The following SIN3A variants were observed in gnomAD, a reference collection of about 807,000 sequenced individuals.
The protein encoded by SIN3A is SIN3 transcription regulator family member A.
In SIN3A, 14 loss-of-function variants were observed where a neutral mutation model predicts 146.1. That is an observed-to-expected ratio of 0.10 (90% CI 0.06 to 0.15). The LOEUF (loss-of-function observed/expected upper bound fraction) is 0.15. Ranked by LOEUF, SIN3A falls within the 10% of genes least tolerant of loss-of-function variation. The pLI is 1.00. For synonymous variants in SIN3A, 572 were observed against 572.0 expected (o/e 1.00, Z 0.00); for missense variants, 1,028 against 1,576.0 (o/e 0.65, Z 5.89).
In SIN3A at chr15:75,407,132, G is replaced by A. The variant is rs1438701512; in HGVS notation, c.1330C>T (p.Leu444=). ...TTPPVKKKPK[L]LNLKDSSMAD... ...ATAGAAGAATCCTTCAGATTGAGCA[G>A]TTTGGGTTTCTTCTGCAAAAGAAAG... Residue 444 remains leucine, a synonymous_variant, in exon 9 of 21, where the codon CTG becomes TTG. Transcript: ENST00000394947. 3.1e-6 allele frequency: 5 copies of A among 1,610,416 alleles called. No homozygotes were observed. The highest frequency in any genetic ancestry group is 1.7e-4 in the Middle Eastern group (1 of 6,056).
chr15:75,424,896 T>G (rs2073899395), intron 2 of SIN3A, among the ~76,000 whole-genome samples: 1 of 152,220 alleles, frequency 6.6e-6, no homozygotes, highest in African/African-American at 2.4e-5. Flanking sequence ...GATTAGCCAT[T>G]TTTAAGCCAC....
intron 1 of SIN3A, chr15:75,443,843 T>C (rs1479107889): frequency 6.6e-6 from 1 of 152,208 alleles, no homozygotes; most frequent in African/African-American, 2.4e-5. Flanking sequence ...CCCAGAAGTT[T>C]GAGGCTGCAG....
Position 75,445,538 on chromosome 15 carries a change from T to C in SIN3A, c.-34+5885A>G, listed in dbSNP as rs529707071. On this transcript the variant is annotated intron_variant, in intron 1 of 20. Coordinates refer to ENST00000394947, the MANE Select transcript of SIN3A (RefSeq NM_001145358.2). The stretch of plus-strand genomic sequence containing the variant: ...CCAAGCCGAGATTGCACCACTGCAC[T>C]CCAGCCTGGGAGACAGAGCAAAACT... Among the ~76,000 whole-genome samples, 9 of 151,192 alleles carry C rather than the reference T, an allele frequency of 6.0e-5. No homozygotes were observed. In the South Asian group the frequency reaches 1.9e-3, roughly 32 times the overall value.
intron 1 of SIN3A, among the ~76,000 whole-genome samples, chr15:75,450,871 T>A (rs1252915906): frequency 6.6e-6 from 1 of 151,936 alleles, no homozygotes; most frequent in Non-Finnish European, 1.5e-5. Flanking sequence ...ACCCGGGGCC[T>A]GGGCGGGGTG....
chr15:75,407,095 C>G lies in SIN3A; in HGVS notation c.1367G>C (p.Ser456Thr). Residue 456 changes from serine to threonine, a missense_variant, in exon 9 of 21, where the codon AGC becomes ACC. This residue lies in a region of SIN3A where 62 missense variants were observed against 63.5 expected (regional missense o/e 0.98). Coordinates refer to ENST00000394947, the MANE Select transcript of SIN3A (RefSeq NM_001145358.2). ...CGATTCTGTTCCACCACCATGTTTG[C>G]TGGCATCTGCCATAGAAGAATCCTT... is the stretch of plus-strand genomic sequence containing the variant. ...NLKDSSMADA[S>T]KHGGGTESLF... is the part of the protein sequence containing the mutation. The G allele has an allele frequency of 6.2e-7, 1 of 1,613,144 alleles. No homozygotes were observed. Among genetic ancestry groups the G allele is most frequent in the Non-Finnish European group, 8.5e-7 (1 of 1,179,486 alleles).
intron 1 of SIN3A, among the ~76,000 whole-genome samples, chr15:75,437,769 CTCTAG>C (rs2074131895): frequency 6.6e-6 from 1 of 152,038 alleles, no homozygotes; most frequent in African/African-American, 2.4e-5. Context: ...ACTATCAGAA[CTCTAG>C]TCTAGGAAGA....
chr15:75,375,774 C>T lies in SIN3A; in HGVS notation c.3482G>A (p.Ser1161Asn). The T allele has an allele frequency of 6.2e-7, 1 of 1,614,196 alleles. No individual in the cohort carries two copies. The highest frequency in any genetic ancestry group is 8.5e-7 in the Non-Finnish European group (1 of 1,180,030). The change falls in exon 20 of 21, where the codon AGT becomes AAT. Residue 1161 changes from serine (S) to asparagine (N), a missense_variant. Ser to Asn is a conservative substitution (Grantham distance 46, BLOSUM62 1). Transcript: ENST00000394947. ...NSKKTMENVD[S>N]LDKLECRFKL... ...GAATCTACACTCCAGCTTATCCAGA[C>T]TATCCACATTCTCCATGGTCTTCTT... is the stretch of plus-strand genomic sequence containing the variant.
intron 2 of SIN3A, among the ~76,000 whole-genome samples, chr15:75,428,207 T>C (rs898880554): frequency 6.6e-6 from 1 of 152,186 alleles, no homozygotes; most frequent in African/African-American, 2.4e-5. Context: ...TCATAGGTAC[T>C]TGACAAACTC....
Position 75,370,457 on chromosome 15 carries a change from A to C in SIN3A, c.*1522T>G, listed in dbSNP as rs538833471. On this transcript the variant is annotated 3_prime_UTR_variant, in exon 21 of 21. Transcript: ENST00000394947. ...AGGGGCTCAGTTGGTCTTTGTTCAG[A>C]AAGTCCAGGTTAACCACATAGAAAA... The C allele has an allele frequency of 4.6e-5, 7 of 152,344 alleles. No homozygotes were observed. In the East Asian group the frequency reaches 1.3e-3, roughly 29 times the overall value. The allele number at this position is 152,344 out of a possible 1,614,324, so 9.4% of individuals were successfully genotyped here. A position where few individuals can be genotyped will look rare whatever the true frequency, so the allele number is the denominator to read the frequency against.
chr15:75,441,511 C>A (rs2074211321), intron 1 of SIN3A, among the ~76,000 whole-genome samples: 1 of 152,058 alleles, frequency 6.6e-6, no homozygotes, highest in African/African-American at 2.4e-5. Flanking sequence ...ACAGGCCGGT[C>A]TTGAACTCCT....
Position 75,392,309 on chromosome 15 carries a change from C to A in SIN3A, c.2784G>T (p.Arg928=), listed in dbSNP as rs2073220830. 6.2e-7 allele frequency: 1 copy of A among 1,614,214 alleles called. No individual in the cohort carries two copies. The highest frequency in any genetic ancestry group is 8.5e-7 in the Non-Finnish European group (1 of 1,180,046). The change falls in exon 15 of 21, where the codon CGG becomes CGT. Residue 928 remains arginine (R), a synonymous_variant. Transcript: ENST00000394947. ...EEENREREWE[R]EVLGIKRDKS... is the part of the protein sequence containing the mutation. ...TGTCTCGCTTTATGCCCAGCACTTC[C>A]CGTTCCCATTCTCTCTCTCGGTTTT...
In SIN3A at chr15:75,425,415, G is replaced by A. The variant is rs577589196; in HGVS notation, c.190-2592C>T. Among the ~76,000 whole-genome samples, 18 of 152,298 alleles carry A rather than the reference G, an allele frequency of 1.2e-4. No homozygotes were observed. The South Asian group carries it at 1.5e-3, about 12-fold the overall frequency. On this transcript the variant is annotated intron_variant, in intron 2 of 20. Transcript: ENST00000394947. ...ACTCCTGACCTCAAATGATCCACCC[G>A]TCTTGGGCTCCCAAAGTGCTGGGAT... is the stretch of plus-strand genomic sequence containing the variant.
intron 1 of SIN3A, 75 bp downstream of exon 1, chr15:75,451,348 C>G (rs8039672): frequency 1.1e-5 from 1 of 94,092 alleles, no homozygotes; most frequent in Non-Finnish European, 2.4e-5. Flanking sequence ...CCCCCCCCCC[C>G]AAAATACACA....
chr15:75,410,140 G>A lies in SIN3A; in HGVS notation c.1155C>T (p.Ser385=). Reference sequence around the variant, plus strand: ...TCTTATTAAAAAAACATACCACGGAGCTGTTGGCATCTGGTAGGAATTGTC... The same window carrying A: ...TCTTATTAAAAAAACATACCACGGAACTGTTGGCATCTGGTAGGAATTGTC... ...EFGQFLPDAN[S]SVLLSKTTAE... Residue 385 remains serine, a synonymous_variant, in exon 7 of 21, where the codon AGC becomes AGT. Coordinates refer to ENST00000394947, the MANE Select transcript of SIN3A (RefSeq NM_001145358.2). 2.5e-6 allele frequency: 4 copies of A among 1,613,790 alleles called. No homozygotes were observed. Among genetic ancestry groups the A allele is most frequent in the Non-Finnish European group, 3.4e-6 (4 of 1,179,862 alleles).
intron 3 of SIN3A, chr15:75,421,886 T>G (rs1222483247): frequency 6.6e-6 from 1 of 152,190 alleles, no homozygotes; most frequent in East Asian, 1.9e-4. Flanking sequence ...GCCTCATGAA[T>G]TTCAAAGCAC....
intron 2 of SIN3A, among the ~76,000 whole-genome samples, chr15:75,427,789 G>C (rs931580686): frequency 1.3e-5 from 2 of 151,838 alleles, no homozygotes; most frequent in African/African-American, 4.8e-5. Flanking sequence ...GGCCCACATG[G>C]CGAAACCCCA....
At chr15:75,402,243 G>A (rs974149079) in intron 9 of SIN3A, among the ~76,000 whole-genome samples, 1 of 152,188 alleles carries the variant, frequency 6.6e-6, no homozygotes, top group Admixed American at 6.5e-5. Context: ...TGGGCGTGGT[G>A]GCTCATGCCT....
chr15:75,431,948 A>C (rs935570796), intron 1 of SIN3A, among the ~76,000 whole-genome samples: 1 of 152,218 alleles, frequency 6.6e-6, no homozygotes, highest in Non-Finnish European at 1.5e-5. Flanking sequence ...TCAAGCCACA[A>C]ATATGCTCTC....
At chr15:75,409,551 C>G (rs181040335) in intron 8 of SIN3A, among the ~76,000 whole-genome samples, 1 of 151,456 alleles carries the variant, frequency 6.6e-6, no homozygotes, top group African/African-American at 2.4e-5. Flanking sequence ...ACGGTGAAAC[C>G]CCGTCTCCAC....
Sources: gnomAD v4.1 joint callset for allele counts (sites outside exome capture counted in the v4.1 genomes callset) on GRCh38, gnomAD v4.1.1 for gene constraint, gnomAD v4.1.1 regional missense constraint, MANE v1.5 for transcripts, NCBI Gene and HGNC (gene_info 2026-07-23, HGNC 2026-07-21) for gene names.